The following MAPDA variants were observed in gnomAD, a reference collection of about 807,000 sequenced individuals.
The protein encoded by MAPDA is N6-Methyl-AMP deaminase, also known as N6,N6-dimethyl-AMP deaminase.
At chr15:43,353,379 G>A in the MAPDA span, 1 of 152,218 alleles carries the variant, frequency 6.6e-6, no homozygotes, top group African/African-American at 2.4e-5. Context: ...GGTATCAGAA[G>A]AAGTTAAGGC....
chr15:43,338,668 C>T, the MAPDA span, among the ~76,000 whole-genome samples: 4 of 152,146 alleles, frequency 2.6e-5, no homozygotes, highest in Admixed American at 6.6e-5. Flanking sequence ...CTCAGTCCAG[C>T]GCATAGGAGA....
the MAPDA span, chr15:43,340,359 TTTA>T: frequency 6.2e-7 from 1 of 1,609,480 alleles, no homozygotes; most frequent in Non-Finnish European, 8.5e-7. Context: ...ACTGGTAGAA[TTTA>T]TACTTCTCAG....
chr15:43,342,945 G>A, the MAPDA span: 1 of 1,347,786 alleles, frequency 7.4e-7, no homozygotes, highest in South Asian at 1.3e-5. Flanking sequence ...GGTGAGGGAT[G>A]AAATAGTTGA....
the MAPDA span, chr15:43,350,924 T>C: frequency 6.5e-7 from 1 of 1,545,082 alleles, no homozygotes. Flanking sequence ...AGAGGTTTTT[T>C]TCCCCTTTTC....
the MAPDA span, among the ~76,000 whole-genome samples, chr15:43,345,369 A>G: frequency 2.0e-4 from 29 of 145,008 alleles, 1 homozygote; most frequent in Admixed American, 6.2e-4. Flanking sequence ...AAAAAAAAAA[A>G]AAATAGGACA....
At chr15:43,331,405 G>A in the MAPDA span, among the ~76,000 whole-genome samples, 1 of 152,206 alleles carries the variant, frequency 6.6e-6, no homozygotes, top group Admixed American at 6.5e-5. Flanking sequence ...TCATCCATAG[G>A]AAACCACTTC....
At chr15:43,342,928 T>G in the MAPDA span, 4 of 1,164,246 alleles carry the variant, frequency 3.4e-6, no homozygotes, top group East Asian at 1.0e-4. Context: ...CATATAGGAT[T>G]GCTGAAGGTG....
chr15:43,330,535 G>A, the MAPDA span: 1 of 1,504,806 alleles, frequency 6.6e-7, no homozygotes, highest in Non-Finnish European at 8.8e-7. Context: ...GTTGTGAGCC[G>A]CCCCTTGGTT....
chr15:43,354,112 C>T, the MAPDA span: 1 of 152,164 alleles, frequency 6.6e-6, no homozygotes, highest in Non-Finnish European at 1.5e-5. Context: ...TGGAGGACAC[C>T]TAGCTGGTAT....
At chr15:43,349,405 A>C in the MAPDA span, 3 of 860,362 alleles carry the variant, frequency 3.5e-6, no homozygotes, top group Non-Finnish European at 4.3e-6. Context: ...AAACATGGAA[A>C]ATCCCAAGTA....
the MAPDA span, among the ~76,000 whole-genome samples, chr15:43,342,836 C>T: frequency 2.6e-5 from 4 of 151,816 alleles, no homozygotes; most frequent in East Asian, 5.8e-4. Flanking sequence ...TTTGCATTTA[C>T]TAAAATATAC....
the MAPDA span, chr15:43,336,592 T>C: frequency 6.6e-7 from 1 of 1,521,860 alleles, no homozygotes; most frequent in Non-Finnish European, 8.8e-7. Flanking sequence ...CTTTGATGAC[T>C]AGATTATGTT....
the MAPDA span, among the ~76,000 whole-genome samples, chr15:43,334,309 A>G: frequency 6.6e-6 from 1 of 152,096 alleles, no homozygotes; most frequent in South Asian, 2.1e-4. Flanking sequence ...CTTCTTTTAT[A>G]TATTTTAAAC....
the MAPDA span, chr15:43,352,088 G>A: frequency 9.4e-6 from 7 of 748,206 alleles, no homozygotes; most frequent in Non-Finnish European, 1.4e-5. Context: ...CACATGGCAG[G>A]TACTCAGTAA....
the MAPDA span, chr15:43,335,634 A>G: frequency 6.6e-7 from 1 of 1,507,468 alleles, no homozygotes; most frequent in Non-Finnish European, 8.9e-7. Flanking sequence ...AACATTAAGT[A>G]CTTGGTAAGA....
chr15:43,332,698 C>T, the MAPDA span, among the ~76,000 whole-genome samples: 28 of 152,260 alleles, frequency 1.8e-4, no homozygotes, highest in African/African-American at 6.3e-4. Flanking sequence ...CACCACAGTG[C>T]CTGGCTCATG....
the MAPDA span, among the ~76,000 whole-genome samples, chr15:43,346,261 T>A: frequency 6.6e-6 from 1 of 152,238 alleles, no homozygotes; most frequent in South Asian, 2.1e-4. Flanking sequence ...AGTCCCAGAC[T>A]ATATGCACTA....
At chr15:43,340,852 A>G in the MAPDA span, among the ~76,000 whole-genome samples, 2 of 152,286 alleles carry the variant, frequency 1.3e-5, no homozygotes, top group African/African-American at 4.8e-5. Context: ...TTATGTTTGC[A>G]TTGTTACAAG....
the MAPDA span, among the ~76,000 whole-genome samples, chr15:43,346,781 T>A: frequency 6.6e-6 from 1 of 152,212 alleles, no homozygotes. Context: ...CTTAGCTGAT[T>A]GACCTCAGTT....
Sources: allele counts gnomAD v4.1 joint callset (sites outside exome capture counted in the v4.1 genomes callset), GRCh38; gene constraint gnomAD v4.1.1; transcripts MANE v1.5; gene names NCBI Gene and HGNC (gene_info 2026-07-23, HGNC 2026-07-21).